Variants in CERT1 observed in about 807,000 individuals in gnomAD.
The protein encoded by CERT1 is ceramide transfer protein.
CERT1 carries 31 observed loss-of-function variants against 87.9 expected under a neutral mutation model. The ratio of observed to expected loss-of-function variants is 0.35; its 90% CI spans 0.27 to 0.48. CERT1 has a LOEUF of 0.48. Among genes scored for constraint, CERT1 ranks in the 20% least tolerant of loss-of-function variants. The pLI is 0.99. For missense variants in CERT1, 487 were observed against 758.0 expected, an observed-to-expected ratio of 0.64 and a Z score of 4.20; for synonymous variants, 289 against 250.9, an observed-to-expected ratio of 1.15 and a Z score of -1.44.
chr5:75,444,548 CTTTT>C (rs952234196), intron 3 of CERT1, among the ~76,000 whole-genome samples: 1 of 128,802 alleles, frequency 7.8e-6, no homozygotes, highest in African/African-American at 3.0e-5. Flanking sequence ...CTTTTCTTTT[CTTTT>C]TTTTTTTTTT....
At chr5:75,467,641 C>CAAAAAAAA in intron 2 of CERT1, among the ~76,000 whole-genome samples, 1 of 49,944 alleles carries the variant, frequency 2.0e-5, no homozygotes, top group South Asian at 6.7e-4. Context: ...ACTCTGTCTC[C>CAAAAAAAA]AAAAAAAAGA....
intron 12 of CERT1, among the ~76,000 whole-genome samples, chr5:75,388,601 T>TGC (rs1466596878): frequency 1.2e-4 from 2 of 16,574 alleles, no homozygotes; most frequent in African/African-American, 1.1e-3. Context: ...CATGCATGCA[T>TGC]ATATATATAT....
chr5:75,491,222 A>G (rs1766779976), intron 2 of CERT1, among the ~76,000 whole-genome samples: 1 of 152,120 alleles, frequency 6.6e-6, no homozygotes, highest in Non-Finnish European at 1.5e-5. Context: ...GCCAAAGTCT[A>G]GATACCTCAG....
At chr5:75,446,334 TTC>T (rs1223450049) in intron 3 of CERT1, among the ~76,000 whole-genome samples, 3 of 152,176 alleles carry the variant, frequency 2.0e-5, no homozygotes, top group Non-Finnish European at 4.4e-5. Context: ...GCTCCATAAT[TTC>T]TTTTTGATTT....
At chr5:75,457,752 G>A (rs1308858994) in intron 3 of CERT1, among the ~76,000 whole-genome samples, 3 of 151,798 alleles carry the variant, frequency 2.0e-5, no homozygotes, top group Non-Finnish European at 4.4e-5. Context: ...TTTTTCTTGG[G>A]TGTGTGGGTG....
intron 2 of CERT1, among the ~76,000 whole-genome samples, chr5:75,465,498 T>C (rs866857825): frequency 1.6e-4 from 25 of 152,240 alleles, no homozygotes; most frequent in African/African-American, 5.8e-4. Context: ...GTGCTCTATA[T>C]TGTAAGCCAC....
chr5:75,450,178 C>G (rs1283493936), intron 3 of CERT1, among the ~76,000 whole-genome samples: 1 of 152,082 alleles, frequency 6.6e-6, no homozygotes, highest in African/African-American at 2.4e-5. Context: ...GGTGCCCCAC[C>G]AACTAGCTGA....
At chr5:75,503,035 T>G (rs978960398) in intron 2 of CERT1, among the ~76,000 whole-genome samples, 4 of 152,088 alleles carry the variant, frequency 2.6e-5, no homozygotes, top group African/African-American at 9.6e-5. Context: ...CATTAAGGAA[T>G]AAATTCTCTC....
chr5:75,484,485 A>C (rs1766412664), intron 2 of CERT1, among the ~76,000 whole-genome samples: 1 of 147,868 alleles, frequency 6.8e-6, no homozygotes, highest in Non-Finnish European at 1.5e-5. Flanking sequence ...AGCAAGACCC[A>C]ATGATCTGTT....
At chr5:75,502,555 T>G (rs1767424278) in intron 2 of CERT1, among the ~76,000 whole-genome samples, 1 of 152,056 alleles carries the variant, frequency 6.6e-6, no homozygotes, top group African/African-American at 2.4e-5. Context: ...TAAAACAAGG[T>G]GCAGAACAAT....
chr5:75,482,271 G>A (rs900185063), intron 2 of CERT1, among the ~76,000 whole-genome samples: 2 of 152,126 alleles, frequency 1.3e-5, no homozygotes, highest in African/African-American at 4.8e-5. Flanking sequence ...CAGTATCCAG[G>A]CAGTACTCAT....
intron 2 of CERT1, among the ~76,000 whole-genome samples, chr5:75,466,221 G>T (rs1765448461): frequency 6.6e-6 from 1 of 152,154 alleles, no homozygotes; most frequent in Non-Finnish European, 1.5e-5. Flanking sequence ...CCAGGAACAA[G>T]ATAGAAGGAA....
At chr5:75,409,440 T>C (rs1388437921) in intron 8 of CERT1, among the ~76,000 whole-genome samples, 1 of 152,234 alleles carries the variant, frequency 6.6e-6, no homozygotes, top group Non-Finnish European at 1.5e-5. Context: ...TCTGTTTTCA[T>C]AAATATAACT....
At chr5:75,511,703 C>T (rs1179525040), upstream of CERT1, 6 of 1,543,842 alleles carry the variant, frequency 3.9e-6, no homozygotes, top group East Asian at 2.4e-5. Flanking sequence ...CCCCGTCCCC[C>T]TCCCGGCGTC....
intron 8 of CERT1, 83 bp from the exon 9 acceptor site, chr5:75,403,141 G>T: frequency 2.3e-6 from 2 of 882,798 alleles, no homozygotes; most frequent in South Asian, 2.8e-5. Context: ...ACTTGAGTTT[G>T]AAAATTGACC....
At chr5:75,435,998 T>C (rs779164832) in intron 3 of CERT1, among the ~76,000 whole-genome samples, 11 of 152,174 alleles carry the variant, frequency 7.2e-5, no homozygotes, top group Non-Finnish European at 1.6e-4. Flanking sequence ...CATGCATGCA[T>C]GCCAGCTGGG....
intron 2 of CERT1, among the ~76,000 whole-genome samples, chr5:75,503,816 G>A (rs1350145426): frequency 7.5e-3 from 1 of 134 alleles, no homozygotes; most frequent in Non-Finnish European, 0.016. Context: ...TGAGAAGATG[G>A]ATATAAATGT....
intron 1 of CERT1, among the ~76,000 whole-genome samples, chr5:75,506,760 T>A (rs1242551080): frequency 1.3e-5 from 2 of 152,198 alleles, no homozygotes; most frequent in African/African-American, 2.4e-5. Context: ...CCTCTGAACA[T>A]GCATTTTTCA....
intron 8 of CERT1, among the ~76,000 whole-genome samples, chr5:75,408,912 CCT>C (rs1215576810): frequency 6.6e-6 from 1 of 151,982 alleles, no homozygotes. Flanking sequence ...TCCCTCCACC[CCT>C]GTCCTCTACC....
Sources: gnomAD v4.1 joint callset for allele counts (sites outside exome capture counted in the v4.1 genomes callset) on GRCh38, gnomAD v4.1.1 for gene constraint, MANE v1.5 for transcripts, NCBI Gene and HGNC (gene_info 2026-07-23, HGNC 2026-07-21) for gene names.